SPMAP2L: variants seen among roughly 807,000 people sequenced by gnomAD.
The protein encoded by SPMAP2L is sperm microtubule associated protein 2-like.
chr4:56,582,046 G>C, the SPMAP2L span, among the ~76,000 whole-genome samples: 1 of 152,094 alleles, frequency 6.6e-6, no homozygotes, highest in Non-Finnish European at 1.5e-5. Flanking sequence ...AAATATAAGA[G>C]CTAAAACTAT....
chr4:56,580,469 C>T, the SPMAP2L span, among the ~76,000 whole-genome samples: 1 of 151,948 alleles, frequency 6.6e-6, no homozygotes, highest in African/African-American at 2.4e-5. Context: ...TGGAAGGAAA[C>T]TTCCTCAACT....
chr4:56,610,449 A>T, the SPMAP2L span, among the ~76,000 whole-genome samples: 2 of 152,246 alleles, frequency 1.3e-5, no homozygotes, highest in Non-Finnish European at 2.9e-5. Flanking sequence ...AATCAACTCA[A>T]GATGGATCAA....
the SPMAP2L span, among the ~76,000 whole-genome samples, chr4:56,622,366 A>G: frequency 6.6e-6 from 1 of 152,238 alleles, no homozygotes; most frequent in Non-Finnish European, 1.5e-5. Flanking sequence ...CCTCGCACCC[A>G]TTGCCAAAAT....
the SPMAP2L span, among the ~76,000 whole-genome samples, chr4:56,538,530 C>T: frequency 1.1e-3 from 171 of 152,224 alleles, no homozygotes; most frequent in African/African-American, 3.2e-3. Context: ...TATTTTAGGC[C>T]GGGCATGGTG....
chr4:56,593,508 G>T, the SPMAP2L span: 3 of 1,600,942 alleles, frequency 1.9e-6, no homozygotes, highest in African/African-American at 4.0e-5. Context: ...GAGCTCATCA[G>T]AGTGGGAGCC....
At chr4:56,578,962 T>A in the SPMAP2L span, among the ~76,000 whole-genome samples, 13 of 151,746 alleles carry the variant, frequency 8.6e-5, no homozygotes, top group South Asian at 2.7e-3. Context: ...ACTATAAACA[T>A]ACATGCACCC....
At chr4:56,593,725 T>A in the SPMAP2L span, 24 of 1,575,780 alleles carry the variant, frequency 1.5e-5, no homozygotes, top group Non-Finnish European at 1.9e-5. Context: ...GAGACGCCAC[T>A]GGGAAAGAAG....
the SPMAP2L span, among the ~76,000 whole-genome samples, chr4:56,546,808 T>C: frequency 6.6e-6 from 1 of 151,748 alleles, no homozygotes; most frequent in African/African-American, 2.4e-5. Flanking sequence ...TGGTAATACA[T>C]AAAAAGCCCA....
chr4:56,593,648 G>A, the SPMAP2L span: 242 of 1,605,552 alleles, frequency 1.5e-4, 1 homozygote, highest in South Asian at 1.6e-3. Flanking sequence ...GGGACCCCAC[G>A]CAGCATTTTT....
chr4:56,572,647 C>T, the SPMAP2L span, among the ~76,000 whole-genome samples: 24 of 152,134 alleles, frequency 1.6e-4, no homozygotes, highest in African/African-American at 5.6e-4. Flanking sequence ...TCTTAAACTT[C>T]TTTATTTTAC....
the SPMAP2L span, among the ~76,000 whole-genome samples, chr4:56,543,689 C>CAAATAAATAAAT: frequency 2.0e-5 from 3 of 151,768 alleles, no homozygotes; most frequent in African/African-American, 7.2e-5. Flanking sequence ...GATTCTGTCT[C>CAAATAAATAAAT]AAATAAATAA....
At chr4:56,604,965 G>A in the SPMAP2L span, among the ~76,000 whole-genome samples, 1 of 152,164 alleles carries the variant, frequency 6.6e-6, no homozygotes, top group Non-Finnish European at 1.5e-5. Context: ...AGGATGCAAA[G>A]GCGTAAGAAT....
the SPMAP2L span, among the ~76,000 whole-genome samples, chr4:56,536,796 C>T: frequency 6.6e-6 from 1 of 152,102 alleles, no homozygotes; most frequent in East Asian, 1.9e-4. Context: ...TGGAGGCTTG[C>T]TGTGTTTCCC....
At chr4:56,553,277 A>G in the SPMAP2L span, among the ~76,000 whole-genome samples, 1 of 129,702 alleles carries the variant, frequency 7.7e-6, no homozygotes, top group Non-Finnish European at 1.5e-5. Flanking sequence ...TGCAGCCTTG[A>G]CCTCCCAGGC....
chr4:56,530,895 C>G, the SPMAP2L span: 1 of 1,535,100 alleles, frequency 6.5e-7, no homozygotes, highest in Non-Finnish European at 8.7e-7. Context: ...GAGACGAGTC[C>G]GAGGAATGTG....
At chr4:56,556,425 G>A in the SPMAP2L span, among the ~76,000 whole-genome samples, 1 of 152,214 alleles carries the variant, frequency 6.6e-6, no homozygotes, top group South Asian at 2.1e-4. Context: ...GAAAATACAA[G>A]AGGGGGATAG....
chr4:56,618,805 G>A, the SPMAP2L span, among the ~76,000 whole-genome samples: 4,799 of 152,248 alleles, frequency 0.032, 158 homozygotes, highest in African/African-American at 0.081. Flanking sequence ...AAAGCAGCAC[G>A]GAGCTTAACT....
At chr4:56,557,420 T>G in the SPMAP2L span, among the ~76,000 whole-genome samples, 1 of 152,196 alleles carries the variant, frequency 6.6e-6, no homozygotes, top group Non-Finnish European at 1.5e-5. Flanking sequence ...GAATTTGTGG[T>G]TGGCCAGATT....
At chr4:56,582,738 G>A in the SPMAP2L span, among the ~76,000 whole-genome samples, 1 of 152,066 alleles carries the variant, frequency 6.6e-6, no homozygotes, top group African/African-American at 2.4e-5. Flanking sequence ...AATTAAAAAC[G>A]TAAATTCACA....
Sources: allele counts gnomAD v4.1 joint callset (sites outside exome capture counted in the v4.1 genomes callset), GRCh38; gene constraint gnomAD v4.1.1; transcripts MANE v1.5; gene names NCBI Gene and HGNC (gene_info 2026-07-23, HGNC 2026-07-21).